The following CCDC43 variants were observed in gnomAD, a reference collection of about 807,000 sequenced individuals.
CCDC43 encodes coiled-coil domain containing 43, also known as coiled-coil domain-containing protein 43.
A neutral mutation model predicts 33.3 loss-of-function variants in CCDC43; 20 were observed. The observed-to-expected ratio is 0.60, with a 90% CI of 0.42 to 0.87. CCDC43 has a LOEUF of 0.87. Ranked by LOEUF, CCDC43 falls within the 40% of genes least tolerant of loss-of-function variation. CCDC43 has a pLI of 0.00. For missense variants in CCDC43, 248 were observed against 269.9 expected, an observed-to-expected ratio of 0.92 and a Z score of 0.57; for synonymous variants, 104 against 106.5, an observed-to-expected ratio of 0.98 and a Z score of 0.14.
In CCDC43 at chr17:44,678,848, G is replaced by A. The variant is rs940077946; in HGVS notation, c.*8C>T. 3.1e-6 allele frequency: 5 copies of A among 1,611,790 alleles called. No individual in the cohort carries two copies. The African/African-American group carries it at 6.7e-5, about 22-fold the overall frequency. On this transcript the variant is annotated 3_prime_UTR_variant, in exon 5 of 5. Transcript: ENST00000315286. ...GTTCATGGGGGGAAAGAATAGAGTA[G>A]GCCAAGGTTATCGCTTTCGCTCCCC...
intron 4 of CCDC43, 65 bp from the exon 5 acceptor site, chr17:44,679,108 A>T: frequency 7.7e-7 from 1 of 1,302,234 alleles, no homozygotes; most frequent in Middle Eastern, 2.7e-4. Context: ...GCCTTTCCTC[A>T]TTCTACTTAT....
In CCDC43 at chr17:44,680,638, G is replaced by C. The variant is rs773606782; in HGVS notation, c.434C>G (p.Ala145Gly). 1.1e-5 allele frequency: 18 copies of C among 1,605,950 alleles called. No individual in the cohort carries two copies. Among genetic ancestry groups the C allele is most frequent in the Non-Finnish European group, 1.4e-5 (17 of 1,173,370 alleles). ...YADVTDEEDE[A>G]DEKDDSGATT... ...AGCACCTGAATCATCCTTCTCATCT[G>C]CTTCAGTAAGTGATGTTAAGGAAAG... The change falls in exon 4 of 5, where the codon GCA becomes GGA. Residue 145 changes from alanine to glycine, a missense_variant. Transcript: ENST00000315286.
chr17:44,678,168 C>CA lies in CCDC43; in HGVS notation c.*687dup, dbSNP rs967206222. ...GCACACAAGAGGATACATGATTATA[C>CA]AAAATGAATCTAGCCAACAATGATA... On this transcript the variant is annotated 3_prime_UTR_variant, in exon 5 of 5. Transcript: ENST00000315286. The CA allele has an allele frequency of 6.6e-6, 1 of 152,168 alleles. No homozygotes were observed. The highest frequency in any genetic ancestry group is 1.5e-5 in the Non-Finnish European group (1 of 67,990). The allele number at this position is 152,168 out of a possible 1,614,324, so 9.4% of individuals were successfully genotyped here. A position where few individuals can be genotyped will look rare whatever the true frequency, so the allele number is the denominator to read the frequency against.
intron 3 of CCDC43, among the ~76,000 whole-genome samples, chr17:44,680,997 A>C (rs868210174): frequency 6.6e-6 from 1 of 152,196 alleles, no homozygotes; most frequent in Non-Finnish European, 1.5e-5. Context: ...CAAACCTACT[A>C]AATTGTGGGT....
At position 44,683,859 on chromosome 17, in the gene CCDC43, A is replaced by G; in HGVS notation, c.292+13T>C. 1 of 1,589,060 alleles carries G rather than the reference A, an allele frequency of 6.3e-7. No homozygotes were observed. The highest frequency in any genetic ancestry group is 8.6e-7 in the Non-Finnish European group (1 of 1,157,500). On this transcript the variant is annotated intron_variant, in intron 2 of 4. Coordinates refer to ENST00000315286, the MANE Select transcript of CCDC43 (RefSeq NM_144609.3). ...AAGGCTCAGGAAGTTAAACACAGAAACTCTGACTCTACCTTCTTTTTTCAC... is the reference window on the plus strand; with the variant it reads ...AAGGCTCAGGAAGTTAAACACAGAAGCTCTGACTCTACCTTCTTTTTTCAC...
chr17:44,677,826 T>C lies in CCDC43; in HGVS notation c.*1030A>G, dbSNP rs1041674046. On this transcript the variant is annotated 3_prime_UTR_variant, in exon 5 of 5. Coordinates refer to ENST00000315286, the MANE Select transcript of CCDC43 (RefSeq NM_144609.3). ...TATCTACTTTGTCTTGTCAGAGAAA[T>C]TGCTGTCCTTAGGCTTCTAGACAAT... 1 of 152,216 alleles carries C rather than the reference T, an allele frequency of 6.6e-6. No homozygotes were observed. The highest frequency in any genetic ancestry group is 2.4e-5 in the African/African-American group (1 of 41,444). The allele number at this position is 152,216 out of a possible 1,614,324, so 9.4% of individuals were successfully genotyped here. A position where few individuals can be genotyped will look rare whatever the true frequency, so the allele number is the denominator to read the frequency against.
chr17:44,679,051 T>C lies in CCDC43; in HGVS notation c.488-8A>G. Reference sequence around the variant, plus strand: ...TGGTGTTTCGGAACAGAACTACAGGTGAGTTAAGGGATTAGGGTACAGGTC... The same window carrying C: ...TGGTGTTTCGGAACAGAACTACAGGCGAGTTAAGGGATTAGGGTACAGGTC... On this transcript the variant is annotated splice_polypyrimidine_tract_variant and splice_region_variant and intron_variant, in intron 4 of 4. Coordinates refer to ENST00000315286, the MANE Select transcript of CCDC43 (RefSeq NM_144609.3). 1 of 1,611,406 alleles carries C rather than the reference T, an allele frequency of 6.2e-7. No homozygotes were observed. Among genetic ancestry groups the C allele is most frequent in the South Asian group, 1.1e-5 (1 of 90,808 alleles).
rs1972140213 is a variant in CCDC43 at position 44,680,275 on chromosome 17, A to G, written c.487+310T>C. 2.6e-5 allele frequency among the ~76,000 whole-genome samples: 4 copies of G among 152,332 alleles called. No homozygotes were observed. In the South Asian group the frequency reaches 8.3e-4, roughly 32 times the overall value. On this transcript the variant is annotated intron_variant, in intron 4 of 4. Coordinates refer to ENST00000315286, the MANE Select transcript of CCDC43 (RefSeq NM_144609.3). ...AGTGCCAGGACTACAGGTGTAAGCC[A>G]TCACGCCTGACCTCAATATTATTTT...
Position 44,678,758 on chromosome 17 carries a change from T to C in CCDC43, c.*98A>G. 8.1e-7 allele frequency: 1 copy of C among 1,233,874 alleles called. No homozygotes were observed. Among genetic ancestry groups the C allele is most frequent in the Admixed American group, 2.8e-5 (1 of 35,848 alleles). 76.4% of individuals were successfully genotyped at this position (1,233,874 alleles called of 1,614,324 possible). ...CATGTAAACAATAGGGGAAATGCCT[T>C]GGGAAACTACTTTGCAATGCACTCT... is the stretch of plus-strand genomic sequence containing the variant. On this transcript the variant is annotated 3_prime_UTR_variant, in exon 5 of 5. Transcript: ENST00000315286.
At position 44,678,714 on chromosome 17, in the gene CCDC43, T is replaced by C; in HGVS notation, c.*142A>G. ...CAGCACATTTTGTAATTAGAAGTGA[T>C]TTTGATTTTCCTTTTGACCATGTAA... On this transcript the variant is annotated 3_prime_UTR_variant, in exon 5 of 5. Transcript: ENST00000315286. 1 of 831,880 alleles carries C rather than the reference T, an allele frequency of 1.2e-6. No individual in the cohort carries two copies. The highest frequency in any genetic ancestry group is 1.8e-6 in the Non-Finnish European group (1 of 544,598). 51.5% of individuals were successfully genotyped at this position (831,880 alleles called of 1,614,324 possible).
intron 4 of CCDC43, among the ~76,000 whole-genome samples, chr17:44,679,560 C>T (rs1306191470): frequency 1.3e-5 from 2 of 152,104 alleles, no homozygotes; most frequent in Non-Finnish European, 2.9e-5. Flanking sequence ...AAGTGAAAAC[C>T]ACATTCTAAT....
intron 4 of CCDC43, 94 bp downstream of exon 4, chr17:44,680,491 G>A: frequency 1.2e-6 from 1 of 863,480 alleles, no homozygotes; most frequent in Admixed American, 1.7e-5. Context: ...AGTTCCTGAA[G>A]GTAAAGGGGA....
chr17:44,689,566 A>T lies in CCDC43; in HGVS notation c.188T>A (p.Ile63Asn). ...GCTACTCACCAGGAAAGCAGAGAGG[A>T]TCCCCTGCAGAGCGTCCAGCTTCTC... is the stretch of plus-strand genomic sequence containing the variant. ...EEEKLDALQGILSAFLEEDSL... is the reference protein window; with the variant it reads ...EEEKLDALQGNLSAFLEEDSL... Residue 63 changes from isoleucine to asparagine, a missense_variant, in exon 1 of 5, where the codon ATC becomes AAC. Physicochemically the swap from Ile to Asn is moderately radical, Grantham distance 149 (BLOSUM62 -3). Coordinates refer to ENST00000315286, the MANE Select transcript of CCDC43 (RefSeq NM_144609.3). The T allele has an allele frequency of 6.2e-7, 1 of 1,613,940 alleles. No homozygotes were observed. Among genetic ancestry groups the T allele is most frequent in the Non-Finnish European group, 8.5e-7 (1 of 1,179,874 alleles).
chr17:44,680,534 T>C (rs1972143175), intron 4 of CCDC43, 51 bp downstream of exon 4: 1 of 1,322,522 alleles, frequency 7.6e-7, no homozygotes, highest in Admixed American at 1.7e-5. Context: ...TAAAAACTGA[T>C]CTCAAGAGGA....
rs1972196577 is a variant in CCDC43, at chr17:44,683,862, C to T, written c.292+10G>A. ...GCTCAGGAAGTTAAACACAGAAACT[C>T]TGACTCTACCTTCTTTTTTCACTTT... On this transcript the variant is annotated intron_variant, in intron 2 of 4. Coordinates refer to ENST00000315286, the MANE Select transcript of CCDC43 (RefSeq NM_144609.3). 1.3e-6 allele frequency: 2 copies of T among 1,596,736 alleles called. No individual in the cohort carries two copies. The highest frequency in any genetic ancestry group is 2.2e-5 in the East Asian group (1 of 44,802).
At chr17:44,681,911 G>A (rs1429920004) in intron 3 of CCDC43, 92 bp downstream of exon 3, 7 of 1,491,578 alleles carry the variant, frequency 4.7e-6, no homozygotes, top group Non-Finnish European at 6.5e-6. Context: ...AGCTATAGAG[G>A]GGGATTAGCA....
intron 2 of CCDC43, among the ~76,000 whole-genome samples, chr17:44,682,440 C>T (rs944817715): frequency 2.1e-5 from 3 of 144,962 alleles, no homozygotes; most frequent in African/African-American, 7.6e-5. Flanking sequence ...ATTAGAACCA[C>T]AGAAAACTAA....
chr17:44,687,819 A>T (rs553081523), intron 1 of CCDC43: 2 of 152,288 alleles, frequency 1.3e-5, no homozygotes, highest in Non-Finnish European at 2.9e-5. Context: ...TTGTGGTCCA[A>T]AAAAAGAATT....
Position 44,678,755 on chromosome 17 carries a change from CCTTGGGAAACTA to C in CCDC43, c.*89_*100del. 1.7e-6 allele frequency: 2 copies of C among 1,181,416 alleles called. No individual in the cohort carries two copies. Among genetic ancestry groups the C allele is most frequent in the Admixed American group, 2.8e-5 (1 of 35,524 alleles). 73.2% of individuals were successfully genotyped at this position (1,181,416 alleles called of 1,614,324 possible). A position where few individuals can be genotyped will look rare whatever the true frequency, so the allele number is the denominator to read the frequency against. The stretch of plus-strand genomic sequence containing the variant: ...GACCATGTAAACAATAGGGGAAATG[CCTTGGGAAACTA>C]CTTTGCAATGCACTCTCATTTCTCT... On this transcript the variant is annotated 3_prime_UTR_variant, in exon 5 of 5. Transcript: ENST00000315286.
Sources: allele counts gnomAD v4.1 joint callset (sites outside exome capture counted in the v4.1 genomes callset), GRCh38; gene constraint gnomAD v4.1.1; transcripts MANE v1.5; gene names NCBI Gene and HGNC (gene_info 2026-07-23, HGNC 2026-07-21).